NCOR1: variants seen among roughly 807,000 people sequenced by gnomAD.
NCOR1 encodes the protein protein phosphatase 1, regulatory subunit 109.
Under a neutral mutation model 288.1 loss-of-function variants are expected in NCOR1, and 63 were observed. That is an observed-to-expected ratio of 0.22 (90% confidence interval 0.18 to 0.27). NCOR1 has a LOEUF of 0.27. NCOR1 is among the 10% of genes least tolerant of loss of function. NCOR1 has a pLI of 1.00. For missense variants in NCOR1, 2,397 were observed against 3,019.2 expected, an observed-to-expected ratio of 0.79 and a Z score of 4.83; for synonymous variants, 1,007 against 1,065.9, an observed-to-expected ratio of 0.94 and a Z score of 1.08.
At chr17:16,098,800 A>G (rs1331776768) in intron 20 of NCOR1, 1 of 182,182 alleles carries the variant, frequency 5.5e-6, no homozygotes, top group African/African-American at 2.4e-5. Context: ...AAAGCATTTT[A>G]TATTAGAAAG....
chr17:16,040,123 A>G, intron 43 of NCOR1: 1 of 509,868 alleles, frequency 2.0e-6, no homozygotes, highest in South Asian at 1.5e-5. Flanking sequence ...TAACTCCTTA[A>G]GGAAATTTGT....
chr17:16,053,515 C>T (rs1183688180), intron 40 of NCOR1, among the ~76,000 whole-genome samples: 1 of 152,002 alleles, frequency 6.6e-6, no homozygotes, highest in Non-Finnish European at 1.5e-5. Context: ...AGGGGAACTA[C>T]AAAACACTTC....
chr17:16,190,588 G>A (rs541596412), intron 2 of NCOR1, among the ~76,000 whole-genome samples: 188 of 151,386 alleles, frequency 1.2e-3, no homozygotes, highest in African/African-American at 4.2e-3. Context: ...TGATCTGCCC[G>A]CCTCAGCCTC....
intron 3 of NCOR1, among the ~76,000 whole-genome samples, chr17:16,176,496 T>C (rs2084221257): frequency 6.6e-6 from 1 of 152,166 alleles, no homozygotes; most frequent in African/African-American, 2.4e-5. Flanking sequence ...CTCGAACTCC[T>C]GACCTCAGGT....
intron 42 of NCOR1, among the ~76,000 whole-genome samples, chr17:16,046,341 T>C (rs1215700013): frequency 3.2e-4 from 49 of 152,228 alleles, no homozygotes; most frequent in Admixed American, 3.2e-3. Flanking sequence ...GTGCACTTCA[T>C]AACTTAACAG....
rs765330083 is a variant in NCOR1, at chr17:16,108,848, G to A, written c.2120C>T (p.Ser707Phe). The A allele has an allele frequency of 2.5e-6, 4 of 1,606,904 alleles. No individual in the cohort carries two copies. In the South Asian group the frequency reaches 4.4e-5, roughly 18 times the overall value. The stretch of plus-strand genomic sequence containing the variant: ...TTCAATATCTTCATCCTCCTGAGCA[G>A]AAACAGTGGAAGCGACACTTTCACA... ...SQCESVASTV[S>F]AQEDEDIEAS... The change falls in exon 19 of 46, where the codon TCT becomes TTT. Residue 707 changes from serine (S) to phenylalanine (F), a missense_variant. This residue lies in a region of NCOR1 where 1,872 missense variants were observed against 2,187.8 expected (regional missense o/e 0.86). Coordinates refer to ENST00000268712, the MANE Select transcript of NCOR1 (RefSeq NM_006311.4).
intron 19 of NCOR1, among the ~76,000 whole-genome samples, chr17:16,106,110 C>T (rs1229447361): frequency 2.6e-5 from 4 of 151,952 alleles, no homozygotes; most frequent in Non-Finnish European, 5.9e-5. Flanking sequence ...CTAAAACAAA[C>T]AAACAAACCA....
At position 16,101,341 on chromosome 17, in the gene NCOR1, T is replaced by A; in HGVS notation, c.2599A>T (p.Asn867Tyr). 6.2e-7 allele frequency: 1 copy of A among 1,614,194 alleles called. No individual in the cohort carries two copies. ...DEDLVVAQQINAQRPEPQSDN... is the reference protein window; with the variant it reads ...DEDLVVAQQIYAQRPEPQSDN... The stretch of plus-strand genomic sequence containing the variant: ...GACTGGGGCTCGGGCCTTTGGGCAT[T>A]TATTTGCTGAGCTACCACCAAATCT... Residue 867 changes from asparagine to tyrosine, a missense_variant, in exon 20 of 46, where the codon AAT becomes TAT. Coordinates refer to ENST00000268712, the MANE Select transcript of NCOR1 (RefSeq NM_006311.4).
chr17:16,065,674 G>T lies in NCOR1; in HGVS notation c.4762C>A (p.Gln1588Lys). 1 of 1,614,210 alleles carries T rather than the reference G, an allele frequency of 6.2e-7. No individual in the cohort carries two copies. Among genetic ancestry groups the T allele is most frequent in the South Asian group, 1.1e-5 (1 of 91,086 alleles). Reference sequence around the variant, plus strand: ...CCTGGAGTTGGTGAAAGCTGTCTCTGAAACAGGTAAGCAGCCGCTGCTGAT... The same window carrying T: ...CCTGGAGTTGGTGAAAGCTGTCTCTTAAACAGGTAAGCAGCCGCTGCTGAT... Reference protein sequence around the residue: ...LDPAAAAYLFQRQLSPTPGYP... With the variant: ...LDPAAAAYLFKRQLSPTPGYP... The change falls in exon 33 of 46, where the codon CAG (glutamine) becomes AAG (lysine). Residue 1588 changes from glutamine to lysine, a missense_variant. Physicochemically the swap from Gln to Lys is moderately conservative, Grantham distance 53 (BLOSUM62 1). Around this residue, in one of 11 missense-constraint regions of NCOR1, gnomAD observed 1,872 missense variants for 2,187.8 expected, o/e 0.86. Transcript: ENST00000268712.
In NCOR1 at chr17:16,186,549, A is replaced by G; in HGVS notation, c.242+5T>C. 6.2e-7 allele frequency: 1 copy of G among 1,613,146 alleles called. No individual in the cohort carries two copies. The highest frequency in any genetic ancestry group is 8.5e-7 in the Non-Finnish European group (1 of 1,179,624). On this transcript the variant is annotated splice_donor_5th_base_variant and intron_variant, in intron 3 of 45. Coordinates refer to ENST00000268712, the MANE Select transcript of NCOR1 (RefSeq NM_006311.4). ...TAGATAGAAACATAAAAGAAACCTC[A>G]TTACCTGTCAGAACCTGGGTGAAAT...
At chr17:16,205,635 G>GA (rs2091403998) in intron 1 of NCOR1, among the ~76,000 whole-genome samples, 2 of 94,822 alleles carry the variant, frequency 2.1e-5, no homozygotes, top group Non-Finnish European at 4.1e-5. Context: ...GAAAAGAAAA[G>GA]AAAAGAAGAA....
chr17:16,158,668 A>G, intron 6 of NCOR1, 92 bp downstream of exon 6: 1 of 680,060 alleles, frequency 1.5e-6, no homozygotes, highest in East Asian at 2.9e-5. Flanking sequence ...GTTTTAATAA[A>G]GTTAAAATTA....
At chr17:16,162,576 G>A (rs1438832939) in intron 5 of NCOR1, among the ~76,000 whole-genome samples, 1 of 151,766 alleles carries the variant, frequency 6.6e-6, no homozygotes, top group Non-Finnish European at 1.5e-5. Flanking sequence ...GAAAGAATAC[G>A]GATTTAGACC....
rs1190264005 is a variant in NCOR1, at chr17:16,127,329, G to GTA, written c.1510-1125_1510-1124dup. 3.8e-5 allele frequency among the ~76,000 whole-genome samples: 2 copies of GTA among 52,556 alleles called. 1 individual carries two copies. The highest frequency in any genetic ancestry group is 1.2e-4 in the Non-Finnish European group (2 of 16,424). 34.5% of individuals were successfully genotyped at this position (52,556 alleles called of 152,430 possible). ...TATATACATGTATGTATATATGTAT[G>GTA]TATATATACATGTATGTATATATGT... On this transcript the variant is annotated intron_variant, in intron 14 of 45. Transcript: ENST00000268712.
intron 2 of NCOR1, among the ~76,000 whole-genome samples, chr17:16,189,526 C>G (rs1441650227): frequency 2.0e-5 from 3 of 151,954 alleles, no homozygotes; most frequent in Non-Finnish European, 4.4e-5. Context: ...TCTCTCAGTA[C>G]CCAGTAAAGC....
intron 19 of NCOR1, 103 bp downstream of exon 19, chr17:16,108,683 G>T (rs2153052327): frequency 1.1e-6 from 1 of 922,518 alleles, no homozygotes; most frequent in Non-Finnish European, 1.6e-6. Flanking sequence ...GAAAACACTG[G>T]CACACTGTTT....
At chr17:16,054,367 A>C (rs2059677623) in intron 40 of NCOR1, among the ~76,000 whole-genome samples, 1 of 151,718 alleles carries the variant, frequency 6.6e-6, no homozygotes, top group South Asian at 2.1e-4. Context: ...AGAAAAAAAC[A>C]ACTCCATTAA....
At chr17:16,044,684 A>C in intron 42 of NCOR1, 1 of 675,094 alleles carries the variant, frequency 1.5e-6, no homozygotes, top group South Asian at 1.4e-5. Flanking sequence ...CAATGAGGTG[A>C]CCATCACGGA....
chr17:16,110,603 C>A (rs73981456), intron 18 of NCOR1, among the ~76,000 whole-genome samples: 2,199 of 152,232 alleles, frequency 0.014, 60 homozygotes, highest in African/African-American at 0.051. Flanking sequence ...TCTGGAAGTC[C>A]CAGCCCTGAT....
Sources: gnomAD v4.1 joint callset for allele counts (sites outside exome capture counted in the v4.1 genomes callset) on GRCh38, gnomAD v4.1.1 for gene constraint, gnomAD v4.1.1 regional missense constraint, MANE v1.5 for transcripts, NCBI Gene and HGNC (gene_info 2026-07-23, HGNC 2026-07-21) for gene names.